ATR: variants seen among roughly 807,000 people sequenced by gnomAD.
The protein encoded by ATR is serine/threonine-protein kinase ATR.
ATR carries 142 observed loss-of-function variants against 305.3 expected under a neutral mutation model. The ratio of observed to expected loss-of-function variants is 0.47; its 90% confidence interval spans 0.41 to 0.53. The LOEUF (loss-of-function observed/expected upper bound fraction) is 0.53. Among genes scored for constraint, ATR ranks in the 20% least tolerant of loss-of-function variants. The pLI, the probability that ATR is intolerant of heterozygous loss-of-function variation, is 0.00. For missense variants in ATR, 2,135 were observed against 3,133.1 expected (o/e 0.68, Z 7.60); for synonymous variants, 1,050 against 1,068.1 (o/e 0.98, Z 0.33).
intron 1 of ATR, among the ~76,000 whole-genome samples, chr3:142,575,940 G>A (rs1268048261): frequency 6.6e-6 from 1 of 152,194 alleles, no homozygotes; most frequent in Non-Finnish European, 1.5e-5. Context: ...TTTTAAGTGT[G>A]CTGGAATGTC....
chr3:142,555,957 G>A lies in ATR; in HGVS notation c.2261C>T (p.Ser754Leu), dbSNP rs749078940. The A allele has an allele frequency of 3.2e-5, 52 of 1,613,478 alleles. 2 individuals carry two copies. In the South Asian group the frequency reaches 5.7e-4, roughly 18 times the overall value. ...GACAGAAGCTTTTAGTTGAGAAGAT[G>A]AACATTCATGTTGAGAAGTGGCTTT... ...NLKATSQHEC[S>L]SSQLKASVCK... Residue 754 changes from serine to leucine, a missense_variant, in exon 10 of 47, where the codon TCA (serine) becomes TTA (leucine). Physicochemically the swap from Ser to Leu is moderately radical, Grantham distance 145 (BLOSUM62 -2). Transcript: ENST00000350721.
chr3:142,472,613 T>C (rs2071314484), intron 36 of ATR, among the ~76,000 whole-genome samples: 1 of 152,114 alleles, frequency 6.6e-6, no homozygotes, highest in South Asian at 2.1e-4. Flanking sequence ...TTTTTTTAAT[T>C]GGGTAATTTG....
At chr3:142,517,658 C>G (rs2032925314) in intron 24 of ATR, among the ~76,000 whole-genome samples, 3 of 152,156 alleles carry the variant, frequency 2.0e-5, no homozygotes, top group Admixed American at 2.0e-4. Flanking sequence ...TCTAACTGCT[C>G]AGGTATAAAA....
At chr3:142,513,455 A>G (rs1284753289) in intron 26 of ATR, 46 bp downstream of exon 26, 1 of 1,598,708 alleles carries the variant, frequency 6.3e-7, no homozygotes, top group East Asian at 2.2e-5. Flanking sequence ...CATTGGAGAA[A>G]GTAAGTTTCA....
intron 1 of ATR, among the ~76,000 whole-genome samples, chr3:142,568,601 A>C (rs374782988): frequency 6.6e-6 from 1 of 152,192 alleles, no homozygotes; most frequent in East Asian, 1.9e-4. Context: ...TCCGAGTTGC[A>C]GGGTCGGGAG....
chr3:142,547,939 T>C, intron 15 of ATR, 29 bp from the exon 16 acceptor site: 1 of 1,601,420 alleles, frequency 6.2e-7, no homozygotes. Context: ...AAAAAAAATT[T>C]TTTTCTTCAT....
In ATR at chr3:142,467,990, A is replaced by ACTT; in HGVS notation, c.6628_6630dup (p.Lys2210dup). Reference sequence around the variant, plus strand: ...GTTAGGCGAGTTGCATCTCCAACAAACTTCTCTAAGGATTTTTTCATATGA... The same window carrying ACTT: ...GTTAGGCGAGTTGCATCTCCAACAAACTTCTTCTCTAAGGATTTTTTCATATGA... On this transcript the variant is annotated inframe_insertion, in exon 39 of 47. Coordinates refer to ENST00000350721, the MANE Select transcript of ATR (RefSeq NM_001184.4). 2 of 1,613,118 alleles carry ACTT rather than the reference A, an allele frequency of 1.2e-6. No individual in the cohort carries two copies. Among genetic ancestry groups the ACTT allele is most frequent in the Non-Finnish European group, 1.7e-6 (2 of 1,179,510 alleles).
chr3:142,494,272 A>G (rs2031459069), intron 34 of ATR, among the ~76,000 whole-genome samples: 1 of 152,160 alleles, frequency 6.6e-6, no homozygotes, highest in South Asian at 2.1e-4. Flanking sequence ...ATCCATAGAG[A>G]ATCCTGGGAC....
chr3:142,506,326 GA>G (rs2032233642), intron 28 of ATR, among the ~76,000 whole-genome samples: 1 of 152,154 alleles, frequency 6.6e-6, no homozygotes, highest in African/African-American at 2.4e-5. Context: ...AGGAATATAT[GA>G]AGAAGTTACA....
chr3:142,477,260 T>C (rs898165724), intron 36 of ATR, among the ~76,000 whole-genome samples: 5 of 152,214 alleles, frequency 3.3e-5, no homozygotes, highest in African/African-American at 4.8e-5. Flanking sequence ...TTTTTAGATA[T>C]GTCCCATCAA....
intron 24 of ATR, among the ~76,000 whole-genome samples, chr3:142,518,334 T>A (rs1345406697): frequency 6.6e-6 from 1 of 152,174 alleles, no homozygotes; most frequent in African/African-American, 2.4e-5. Flanking sequence ...CTGGCCAATA[T>A]GATGAAACTT....
Position 142,547,785 on chromosome 3 carries a change from T to C in ATR, c.3297A>G (p.Ser1099=), listed in dbSNP as rs766480965. ...GATATGGATCATCACTGGATGCAAA[T>C]GAGGCAAGTATTGACAAACCATTAA... ...QVFNGLSILA[S]FASSDDPYQG... Residue 1099 remains serine, a synonymous_variant, in exon 16 of 47, where the codon TCA becomes TCG. Transcript: ENST00000350721. The C allele has an allele frequency of 9.3e-6, 15 of 1,613,948 alleles. 1 individual carries two copies. The South Asian group carries it at 1.6e-4, about 18-fold the overall frequency.
At chr3:142,480,874 GA>G (rs1410756878) in intron 36 of ATR, among the ~76,000 whole-genome samples, 1 of 152,254 alleles carries the variant, frequency 6.6e-6, no homozygotes, top group East Asian at 1.9e-4. Flanking sequence ...GTGGGCATGG[GA>G]CCTTCAGAGC....
At chr3:142,472,398 G>A (rs548954303) in intron 36 of ATR, 57 of 152,148 alleles carry the variant, frequency 3.7e-4, no homozygotes, top group African/African-American at 1.4e-3. Context: ...GTGTATAAGG[G>A]TTCCCTTTTC....
intron 1 of ATR, among the ~76,000 whole-genome samples, chr3:142,568,555 T>C (rs1388394065): frequency 1.3e-5 from 2 of 152,166 alleles, no homozygotes; most frequent in Non-Finnish European, 2.9e-5. Flanking sequence ...CCCCGCCCCC[T>C]TCTGAGGTGC....
chr3:142,492,802 A>G (rs554957292), intron 35 of ATR, among the ~76,000 whole-genome samples: 1 of 152,296 alleles, frequency 6.6e-6, no homozygotes, highest in South Asian at 2.1e-4. Context: ...CACCATCTAT[A>G]TAAAGTTTAA....
rs1210104615 is a variant in ATR, at chr3:142,538,495, T to C, written c.3712A>G (p.Ile1238Val). 6.2e-7 allele frequency: 1 copy of C among 1,612,264 alleles called. No homozygotes were observed. Among genetic ancestry groups the C allele is most frequent in the Admixed American group, 1.7e-5 (1 of 59,958 alleles). Reference sequence around the variant, plus strand: ...CAGTTACAATACCTGTTTTCAATTATGAGGTAGTGGAAGATAGCTGCAGTT... The same window carrying C: ...CAGTTACAATACCTGTTTTCAATTACGAGGTAGTGGAAGATAGCTGCAGTT... ...KETAAIFHYLIIENRDAVQDF... is the reference protein window; with the variant it reads ...KETAAIFHYLVIENRDAVQDF... Residue 1238 changes from isoleucine (I) to valine (V), a missense_variant, in exon 19 of 47, where the codon ATA (isoleucine) becomes GTA (valine). Coordinates refer to ENST00000350721, the MANE Select transcript of ATR (RefSeq NM_001184.4).
Position 142,461,948 on chromosome 3 carries a change from T to G in ATR, c.7184A>C (p.Lys2395Thr). 1 of 1,613,456 alleles carries G rather than the reference T, an allele frequency of 6.2e-7. No individual in the cohort carries two copies. The change falls in exon 42 of 47, where the codon AAA becomes ACA. Residue 2395 changes from lysine to threonine, a missense_variant. Physicochemically the swap from Lys to Thr is moderately conservative, Grantham distance 78 (BLOSUM62 -1). Transcript: ENST00000350721. ...GLRPILTKLY[K>T]EKGVYMTGKE... The stretch of plus-strand genomic sequence containing the variant: ...AGAATTAATTTTAGTACCCTTTTCT[T>G]TATATAGTTTGGTCAGAATAGGTCT...
chr3:142,548,394 C>A (rs571436125), intron 15 of ATR, among the ~76,000 whole-genome samples: 4 of 152,154 alleles, frequency 2.6e-5, no homozygotes, highest in Non-Finnish European at 5.9e-5. Context: ...TTTGGCTGGG[C>A]GTGTTGGTTC....
Sources: allele counts gnomAD v4.1 joint callset (sites outside exome capture counted in the v4.1 genomes callset), GRCh38; gene constraint gnomAD v4.1.1; transcripts MANE v1.5; gene names NCBI Gene and HGNC (gene_info 2026-07-23, HGNC 2026-07-21).